Variants in PDE1B observed in about 807,000 individuals in gnomAD.
PDE1B encodes the protein dual specificity calcium/calmodulin-dependent 3',5'-cyclic nucleotide phosphodiesterase 1B.
PDE1B carries 13 observed loss-of-function variants against 66.7 expected under a neutral mutation model. That is an observed-to-expected ratio of 0.19 (90% CI 0.13 to 0.31). The LOEUF (loss-of-function observed/expected upper bound fraction) is 0.31. Ranked by LOEUF, PDE1B falls within the 10% of genes least tolerant of loss-of-function variation. The pLI, the probability that PDE1B is intolerant of heterozygous loss-of-function variation, is 1.00. For synonymous variants in PDE1B, 230 were observed against 253.9 expected (o/e 0.91, Z 0.90); for missense variants, 485 against 682.3 (o/e 0.71, Z 3.22).
intron 2 of PDE1B, chr12:54,561,377 C>G: frequency 1.0e-6 from 1 of 953,992 alleles, no homozygotes; most frequent in Middle Eastern, 3.8e-4. Context: ...CCCCTCTCAC[C>G]CAGTTCCGGT....
chr12:54,569,577 C>T lies in PDE1B; in HGVS notation c.442C>T (p.Pro148Ser). 6.2e-7 allele frequency: 1 copy of T among 1,613,854 alleles called. No homozygotes were observed. The highest frequency in any genetic ancestry group is 1.6e-4 in the Middle Eastern group (1 of 6,062). Residue 148 changes from proline (P) to serine (S), a missense_variant, in exon 5 of 16, where the codon CCC becomes TCC. Pro to Ser is a moderately conservative substitution (Grantham distance 74). Around this residue, in one of 4 missense-constraint regions of PDE1B, gnomAD observed 282 missense variants for 453.4 expected, o/e 0.62. Coordinates refer to ENST00000243052, the MANE Select transcript of PDE1B (RefSeq NM_000924.4). This position sits in a 1 kb window ranked among gnomAD's most constrained non-coding sequence, Gnocchi z 4.4. ...MFRRTYTSVG[P>S]TYSTAVLNCL... ...CCGGAGAACATACACCTCTGTGGGC[C>T]CCACTTACTCTACTGCGGTTCTCAA...
chr12:54,572,561 G>C, intron 6 of PDE1B, 40 bp from the exon 7 acceptor site: 2 of 1,596,012 alleles, frequency 1.3e-6, no homozygotes, highest in Non-Finnish European at 1.7e-6. Flanking sequence ...CCATTCCTGT[G>C]GATCCTTGAT....
intron 2 of PDE1B, among the ~76,000 whole-genome samples, chr12:54,552,867 C>G (rs1404194817): frequency 2.6e-5 from 4 of 152,218 alleles, no homozygotes; most frequent in Non-Finnish European, 5.9e-5. Context: ...CCACCCTTCT[C>G]TGAGATCAGA....
chr12:54,573,619 C>G lies in PDE1B; in HGVS notation c.974C>G (p.Ala325Gly). The stretch of plus-strand genomic sequence containing the variant: ...TTATGTCCGCTCAGAGAACTCCGAG[C>G]CCTGGTCATTGAGATGGTGTTGGCC... ...LTKDEFVELR[A>G]LVIEMVLATD... The change falls in exon 10 of 16, where the codon GCC (alanine) becomes GGC (glycine). Residue 325 changes from alanine (A) to glycine (G), a missense_variant. Transcript: ENST00000243052. This position sits in a 1 kb window ranked among gnomAD's most constrained non-coding sequence, Gnocchi z 5.2. 1 of 1,614,008 alleles carries G rather than the reference C, an allele frequency of 6.2e-7. No homozygotes were observed. The highest frequency in any genetic ancestry group is 8.5e-7 in the Non-Finnish European group (1 of 1,179,924).
chr12:54,553,418 G>A (rs1018314784), intron 2 of PDE1B, among the ~76,000 whole-genome samples: 1 of 152,034 alleles, frequency 6.6e-6, no homozygotes, highest in Non-Finnish European at 1.5e-5. Context: ...TACGCACTCG[G>A]GACCCTCAAA....
At position 54,576,662 on chromosome 12, in the gene PDE1B, C is replaced by T; in HGVS notation, c.1468C>T (p.Gln490Ter). ...SFRSTWVKRI[Q>*]ENKQKWKERA... ...TCGTTCCACCTGGGTCAAGCGCATT[C>T]AGGAGAATAAGCAGAAATGGAAGGA... The change falls in exon 14 of 16, where the codon CAG becomes TAG. Residue 490 changes from glutamine to a stop codon, truncating the protein, a stop_gained. Transcript: ENST00000243052. LOFTEE classifies it high-confidence loss of function. 1 of 1,613,476 alleles carries T rather than the reference C, an allele frequency of 6.2e-7. No individual in the cohort carries two copies. Among genetic ancestry groups the T allele is most frequent in the Non-Finnish European group, 8.5e-7 (1 of 1,179,762 alleles).
intron 2 of PDE1B, among the ~76,000 whole-genome samples, chr12:54,560,658 C>T (rs1251661359): frequency 2.6e-5 from 4 of 152,194 alleles, no homozygotes; most frequent in Non-Finnish European, 5.9e-5. Flanking sequence ...CCCTCCCCAA[C>T]CTTGGCGAAA....
At chr12:54,556,563 A>G (rs1957344166) in intron 2 of PDE1B, among the ~76,000 whole-genome samples, 1 of 152,176 alleles carries the variant, frequency 6.6e-6, no homozygotes, top group African/African-American at 2.4e-5. Flanking sequence ...ATTCCACTTC[A>G]GCACTCAGAC....
At position 54,573,075 on chromosome 12, in the gene PDE1B, CTGTG is replaced by C. The variant is rs1315509449; in HGVS notation, c.736-68_736-65del. ...GAAGGGATGGGATGAGTGATCTAGC[CTGTG>C]TGTGGAGGTTCCTGGGAAGTGACCA... On this transcript the variant is annotated intron_variant, in intron 7 of 15. Transcript: ENST00000243052. This position sits in a 1 kb window ranked among gnomAD's most constrained non-coding sequence, Gnocchi z 5.2. 4 of 1,063,876 alleles carry C rather than the reference CTGTG, an allele frequency of 3.8e-6. No homozygotes were observed. In the African/African-American group the frequency reaches 6.2e-5, roughly 16 times the overall value. 65.9% of individuals were successfully genotyped at this position (1,063,876 alleles called of 1,614,324 possible).
At chr12:54,576,999 T>G (rs1957765535) in intron 14 of PDE1B, 2 of 609,312 alleles carry the variant, frequency 3.3e-6, no homozygotes, top group Non-Finnish European at 2.9e-6. Flanking sequence ...TTGGTGGCCC[T>G]GGCTGGGAAA....
At chr12:54,555,928 C>T (rs1206066325) in intron 2 of PDE1B, among the ~76,000 whole-genome samples, 3 of 152,126 alleles carry the variant, frequency 2.0e-5, no homozygotes, top group African/African-American at 4.8e-5. Context: ...AGAAAATCCC[C>T]GTGGCTCCCT....
intron 14 of PDE1B, 190 bp downstream of exon 14, chr12:54,576,891 G>A (rs1957762564): frequency 3.1e-6 from 2 of 643,680 alleles, no homozygotes; most frequent in African/African-American, 3.7e-5. Flanking sequence ...AAGAATGGGG[G>A]CCGTAGAGAT....
chr12:54,561,630 A>G (rs1377055025), intron 2 of PDE1B: 2 of 1,534,196 alleles, frequency 1.3e-6, no homozygotes, highest in South Asian at 2.4e-5. Context: ...CCAGGGCCCC[A>G]TTCTCAGGTA....
At chr12:54,553,799 G>A (rs959741634) in intron 2 of PDE1B, among the ~76,000 whole-genome samples, 2 of 152,100 alleles carry the variant, frequency 1.3e-5, no homozygotes, top group African/African-American at 2.4e-5. Context: ...ACAGAGCCTG[G>A]AACTGAAGGA....
In PDE1B at chr12:54,578,536, C is replaced by G. The variant is rs1957807915; in HGVS notation, c.*694C>G. The G allele has an allele frequency of 6.6e-6, 1 of 152,386 alleles. No homozygotes were observed. Among genetic ancestry groups the G allele is most frequent in the African/African-American group, 2.4e-5 (1 of 41,428 alleles). 9.4% of individuals were successfully genotyped at this position (152,386 alleles called of 1,614,324 possible). ...GATACAGTGACTGGGGCAAAAGGAGCCATTGTGACCAGGGGCTGCGGGAGG... is the reference window on the plus strand; with the variant it reads ...GATACAGTGACTGGGGCAAAAGGAGGCATTGTGACCAGGGGCTGCGGGAGG... On this transcript the variant is annotated 3_prime_UTR_variant, in exon 16 of 16. Coordinates refer to ENST00000243052, the MANE Select transcript of PDE1B (RefSeq NM_000924.4).
At chr12:54,563,353 C>G (rs1160085789) in intron 2 of PDE1B, among the ~76,000 whole-genome samples, 1 of 152,210 alleles carries the variant, frequency 6.6e-6, no homozygotes, top group South Asian at 2.1e-4. Flanking sequence ...GTTCCATTAG[C>G]TTGAGTTGTA....
intron 2 of PDE1B, among the ~76,000 whole-genome samples, chr12:54,566,327 G>C (rs190682559): frequency 6.6e-6 from 1 of 152,222 alleles, no homozygotes; most frequent in Non-Finnish European, 1.5e-5. Flanking sequence ...AAAGGCAGGG[G>C]TTAACCCGGC....
At chr12:54,574,670 G>A (rs1957697677) in intron 10 of PDE1B, 1 of 170,386 alleles carries the variant, frequency 5.9e-6, no homozygotes, top group South Asian at 1.5e-4. Context: ...AGCTTTGGAG[G>A]GTGTTTGAAG....
chr12:54,561,007 C>A (rs902683887), intron 2 of PDE1B, among the ~76,000 whole-genome samples: 2 of 152,094 alleles, frequency 1.3e-5, no homozygotes, highest in Admixed American at 6.5e-5. Flanking sequence ...AGTTTTTTAT[C>A]CTCTGTGGGA....
Sources: allele counts gnomAD v4.1 joint callset (sites outside exome capture counted in the v4.1 genomes callset), GRCh38; gene constraint gnomAD v4.1.1; regional missense constraint gnomAD v4.1.1; non-coding constraint Gnocchi (gnomAD v3.1); transcripts MANE v1.5; gene names NCBI Gene and HGNC (gene_info 2026-07-23, HGNC 2026-07-21).